Variants in B4GALT1 observed in about 807,000 individuals in gnomAD.
B4GALT1 encodes N-acetyllactosamine synthase.
Under a neutral mutation model 34.9 loss-of-function variants are expected in B4GALT1, and 16 were observed. That is an observed-to-expected ratio of 0.46 (90% CI 0.31 to 0.70). The LOEUF (loss-of-function observed/expected upper bound fraction) is 0.70, where lower values mean the gene tolerates loss of function less well. Ranked by LOEUF, B4GALT1 falls within the 30% of genes least tolerant of loss-of-function variation. The probability of loss-of-function intolerance (pLI) is 0.05; values close to 1 mark genes in which losing one functional copy is unlikely to be tolerated. For synonymous variants in B4GALT1, 221 were observed against 218.1 expected, an observed-to-expected ratio of 1.01 and a Z score of -0.12; for missense variants, 445 against 530.5, an observed-to-expected ratio of 0.84 and a Z score of 1.58.
At chr9:33,184,253 T>TACACACACACACACACAC in the B4GALT1 span, among the ~76,000 whole-genome samples, 16 of 147,116 alleles carry the variant, frequency 1.1e-4, no homozygotes, top group African/African-American at 4.0e-4. Context: ...GTCACTCTTG[T>TACACACACACACACACAC]ACACACACAC....
chr9:33,151,676 CT>C (rs1840519550), intron 1 of B4GALT1, among the ~76,000 whole-genome samples: 1 of 152,202 alleles, frequency 6.6e-6, no homozygotes, highest in African/African-American at 2.4e-5. Flanking sequence ...CCCTTCTCCC[CT>C]GACTCCTTAG....
At chr9:33,153,886 A>G (rs1840557974) in intron 1 of B4GALT1, among the ~76,000 whole-genome samples, 1 of 151,368 alleles carries the variant, frequency 6.6e-6, no homozygotes, top group Non-Finnish European at 1.5e-5. Flanking sequence ...ACCAAAACCA[A>G]ACAAAGATCT....
intron 2 of B4GALT1, among the ~76,000 whole-genome samples, chr9:33,122,372 T>G (rs10116966): frequency 6.6e-6 from 1 of 151,608 alleles, no homozygotes; most frequent in African/African-American, 2.4e-5. Context: ...TACAAAAATT[T>G]GCCAGGCATG....
chr9:33,162,530 C>A (rs1444939350), intron 1 of B4GALT1, among the ~76,000 whole-genome samples: 1 of 152,210 alleles, frequency 6.6e-6, no homozygotes, highest in Admixed American at 6.5e-5. Flanking sequence ...ATACAAGACC[C>A]TTCAGATGGA....
chr9:33,122,512 A>G (rs936304063), intron 2 of B4GALT1, among the ~76,000 whole-genome samples: 1 of 73,522 alleles, frequency 1.4e-5, no homozygotes, highest in Admixed American at 1.2e-4. Context: ...CATCTCAAAA[A>G]AATAAATAAA....
chr9:33,147,744 G>A (rs1408361817), intron 1 of B4GALT1, among the ~76,000 whole-genome samples: 3 of 152,194 alleles, frequency 2.0e-5, no homozygotes, highest in Non-Finnish European at 4.4e-5. Context: ...GTTTTATGTT[G>A]CAACAAAATA....
rs905743531 is a variant in B4GALT1, at chr9:33,111,736, A to C, written c.*1718T>G. The C allele has an allele frequency of 8.5e-5, 13 of 152,620 alleles. No homozygotes were observed. Among genetic ancestry groups the C allele is most frequent in the African/African-American group, 2.4e-4 (10 of 41,460 alleles). The allele number at this position is 152,620 out of a possible 1,614,324, so 9.5% of individuals were successfully genotyped here. A position where few individuals can be genotyped will look rare whatever the true frequency, so the allele number is the denominator to read the frequency against. ...TGGGATTAGGCAGCTGAGTCTTGGA[A>C]CCTGAGCCCAGGCTGGACCTGGCAA... On this transcript the variant is annotated 3_prime_UTR_variant, in exon 6 of 6. Coordinates refer to ENST00000379731, the MANE Select transcript of B4GALT1 (RefSeq NM_001497.4).
intron 2 of B4GALT1, among the ~76,000 whole-genome samples, chr9:33,130,789 G>A (rs1002656688): frequency 2.0e-5 from 3 of 152,016 alleles, no homozygotes; most frequent in African/African-American, 7.2e-5. Flanking sequence ...ACTCCAAGGA[G>A]TTCAAACCAA....
intron 1 of B4GALT1, among the ~76,000 whole-genome samples, chr9:33,148,401 C>T (rs147456480): frequency 2.0e-5 from 3 of 152,306 alleles, no homozygotes; most frequent in African/African-American, 7.2e-5. Context: ...GAAATGTAAA[C>T]TGAGGCAGCC....
chr9:33,152,482 C>T (rs1430026022), intron 1 of B4GALT1, among the ~76,000 whole-genome samples: 1 of 128,110 alleles, frequency 7.8e-6, no homozygotes, highest in Non-Finnish European at 1.7e-5. Context: ...AAAGCTCCTG[C>T]AAACATATTT....
rs189438829 is a variant in B4GALT1 at position 33,158,130 on chromosome 9, C to T, written c.412+8628G>A. ...GCATATACAACCAGGTTTTCCCCCCCACTCGCCAAACTGGAATCTAGGAGG... is the reference window on the plus strand; with the variant it reads ...GCATATACAACCAGGTTTTCCCCCCTACTCGCCAAACTGGAATCTAGGAGG... On this transcript the variant is annotated intron_variant, in intron 1 of 5. Transcript: ENST00000379731. Among the ~76,000 whole-genome samples, 7 of 152,146 alleles carry T rather than the reference C, an allele frequency of 4.6e-5. 1 individual carries two copies. The highest frequency in any genetic ancestry group is 4.1e-4 in the South Asian group (2 of 4,824).
the B4GALT1 span, among the ~76,000 whole-genome samples, chr9:33,175,622 G>C: frequency 4.6e-5 from 7 of 152,096 alleles, no homozygotes; most frequent in African/African-American, 7.2e-5. Context: ...ATATTTTACA[G>C]TGTATTATTA....
intron 4 of B4GALT1, 87 bp from the exon 5 acceptor site, chr9:33,113,965 A>C: frequency 8.3e-7 from 1 of 1,212,080 alleles, no homozygotes; most frequent in African/African-American, 1.5e-5. Flanking sequence ...TGCTCCATCC[A>C]CCATCACCCT....
intron 1 of B4GALT1, among the ~76,000 whole-genome samples, chr9:33,142,234 G>A (rs562277912): frequency 1.3e-5 from 2 of 152,158 alleles, no homozygotes; most frequent in East Asian, 3.8e-4. Flanking sequence ...GCCTGCCTCG[G>A]CCTCCCACAG....
At chr9:33,137,423 A>C (rs192857914) in intron 1 of B4GALT1, among the ~76,000 whole-genome samples, 473 of 152,238 alleles carry the variant, frequency 3.1e-3, no homozygotes, top group African/African-American at 0.01. Context: ...CTCTCTGGTC[A>C]TGCACCTCCC....
intron 1 of B4GALT1, among the ~76,000 whole-genome samples, chr9:33,157,557 A>C (rs914064315): frequency 1.3e-5 from 2 of 152,350 alleles, no homozygotes; most frequent in African/African-American, 2.4e-5. Context: ...GGCTGCATGC[A>C]AACAGTTTCA....
chr9:33,179,293 A>G, the B4GALT1 span: 2 of 152,202 alleles, frequency 1.3e-5, no homozygotes, highest in Middle Eastern at 3.2e-3. Context: ...ACAGCTCACA[A>G]TTTGTAATAA....
intron 1 of B4GALT1, among the ~76,000 whole-genome samples, chr9:33,156,905 T>C (rs890941429): frequency 1.3e-5 from 2 of 152,198 alleles, no homozygotes; most frequent in Non-Finnish European, 2.9e-5. Context: ...ATGTTCTTAC[T>C]TTCTGTAAAC....
At chr9:33,148,520 G>T (rs1840461677) in intron 1 of B4GALT1, among the ~76,000 whole-genome samples, 1 of 152,224 alleles carries the variant, frequency 6.6e-6, no homozygotes, top group Non-Finnish European at 1.5e-5. Context: ...TGAAGGTAAT[G>T]CTGGAGGCAG....
Sources: allele counts gnomAD v4.1 joint callset (sites outside exome capture counted in the v4.1 genomes callset), GRCh38; gene constraint gnomAD v4.1.1; transcripts MANE v1.5; gene names NCBI Gene and HGNC (gene_info 2026-07-23, HGNC 2026-07-21).